The following CCDC188 variants were observed in gnomAD, a reference collection of about 807,000 sequenced individuals.
CCDC188 encodes coiled-coil domain containing 188.
A neutral mutation model predicts 50.7 loss-of-function variants in CCDC188; 37 were observed. The ratio of observed to expected loss-of-function variants is 0.73; its 90% CI spans 0.56 to 0.96. CCDC188 has a LOEUF of 0.96. CCDC188 is among the 40% of genes least tolerant of loss of function. The probability of loss-of-function intolerance (pLI) is 0.00; values close to 1 mark genes in which losing one functional copy is unlikely to be tolerated. For missense variants in CCDC188, 453 were observed against 512.9 expected, an observed-to-expected ratio of 0.88 and a Z score of 1.13; for synonymous variants, 208 against 228.0, an observed-to-expected ratio of 0.91 and a Z score of 0.79.
rs2050608890 is a variant in CCDC188, at chr22:20,150,604, G to T, written c.383C>A (p.Pro128His). ...CCGTGACAGGGGTGGGCATGGGCAGGGTCTGGTCCCTGAGCCAATGGATCC... is the reference window on the plus strand; with the variant it reads ...CCGTGACAGGGGTGGGCATGGGCAGTGTCTGGTCCCTGAGCCAATGGATCC... ...QGGSIGSGTR[P>H]CPCPPLSREG... The change falls in exon 1 of 9, where the codon CCC (proline) becomes CAC (histidine). Residue 128 changes from proline to histidine, a missense_variant. Pro to His is a moderately conservative substitution (Grantham distance 77, BLOSUM62 -2). Coordinates refer to ENST00000439765, the MANE Select transcript of CCDC188 (RefSeq NM_001365892.2). 6.5e-7 allele frequency: 1 copy of T among 1,544,952 alleles called. No individual in the cohort carries two copies. The highest frequency in any genetic ancestry group is 2.0e-5 in the Admixed American group (1 of 50,750).
At chr22:20,150,375 C>CAGGG in intron 1 of CCDC188, 93 bp downstream of exon 1, 2 of 1,018,708 alleles carry the variant, frequency 2.0e-6, no homozygotes, top group Non-Finnish European at 1.3e-6. Flanking sequence ...GGGGCAGGGG[C>CAGGG]GCCAGGTGGT....
chr22:20,149,457 C>G lies in CCDC188; in HGVS notation c.869G>C (p.Arg290Pro). The change falls in exon 6 of 9, where the codon CGG (arginine) becomes CCG (proline). Residue 290 changes from arginine (R) to proline (P), a missense_variant. Arg to Pro is a moderately radical substitution (Grantham distance 103, BLOSUM62 -2). Transcript: ENST00000439765. ...TGLLNLKKDI[R>P]GVLDQMEDIQ... is the part of the protein sequence containing the mutation. ...GTCCTCCATCTGGTCCAGCACGCCC[C>G]GGATGTCCTTCTTGAGGTTCTGGGG... The G allele has an allele frequency of 1.3e-6, 2 of 1,550,200 alleles. No individual in the cohort carries two copies. Among genetic ancestry groups the G allele is most frequent in the Non-Finnish European group, 1.7e-6 (2 of 1,146,892 alleles).
At position 20,150,736 on chromosome 22, in the gene CCDC188, T is replaced by C. The variant is rs1013941211; in HGVS notation, c.251A>G (p.Gln84Arg). Residue 84 changes from glutamine (Q) to arginine (R), a missense_variant, in exon 1 of 9, where the codon CAG (glutamine) becomes CGG (arginine). Gln to Arg is a conservative substitution (Grantham distance 43, BLOSUM62 1). Transcript: ENST00000439765. ...APGLFLSSQE[Q>R]RARDTEGPRQ... ...CGGCCCCTCAGTGTCTCTCGCTCTCTGCTCCTGGCTGGACAGAAAGAGCCC... is the reference window on the plus strand; with the variant it reads ...CGGCCCCTCAGTGTCTCTCGCTCTCCGCTCCTGGCTGGACAGAAAGAGCCC... The C allele has an allele frequency of 3.9e-6, 6 of 1,550,196 alleles. No individual in the cohort carries two copies. Among genetic ancestry groups the C allele is most frequent in the Non-Finnish European group, 4.4e-6 (5 of 1,146,812 alleles).
chr22:20,149,703 C>T lies in CCDC188; in HGVS notation c.789+21G>A, dbSNP rs1335331113. Reference sequence around the variant, plus strand: ...CACTGGGTGGGCCCCCAGCACCCCTCCCCCTCAGCCAGGCGGGCACCTCTG... The same window carrying T: ...CACTGGGTGGGCCCCCAGCACCCCTTCCCCTCAGCCAGGCGGGCACCTCTG... On this transcript the variant is annotated intron_variant, in intron 4 of 8. Transcript: ENST00000439765. The T allele has an allele frequency of 2.6e-6, 4 of 1,539,960 alleles. No homozygotes were observed. In the African/African-American group the frequency reaches 4.1e-5, roughly 16 times the overall value.
chr22:20,150,531 C>T lies in CCDC188; in HGVS notation c.456G>A (p.Gln152=). The T allele has an allele frequency of 6.5e-7, 1 of 1,549,464 alleles. No homozygotes were observed. The highest frequency in any genetic ancestry group is 1.4e-5 in the African/African-American group (1 of 73,098). ...GTTCTGCAGAGCCCAGCAGCCCGCA[C>T]TGAAGCTGGGACAGGGCTACCCTGG... is the stretch of plus-strand genomic sequence containing the variant. ...ASPRVALSQL[Q]CGLLGSAEQS... The change falls in exon 1 of 9, where the codon CAG becomes CAA. Residue 152 remains glutamine, a synonymous_variant. Coordinates refer to ENST00000439765, the MANE Select transcript of CCDC188 (RefSeq NM_001365892.2).
At chr22:20,149,696 C>T in intron 4 of CCDC188, 28 bp downstream of exon 4, 1 of 1,541,510 alleles carries the variant, frequency 6.5e-7, no homozygotes, top group Non-Finnish European at 8.8e-7. Context: ...GGGCCCCCAG[C>T]ACCCCTCCCC....
In CCDC188 at chr22:20,150,894, G is replaced by A; in HGVS notation, c.93C>T (p.Asp31=). The change falls in exon 1 of 9, where the codon GAC becomes GAT. Residue 31 remains aspartate (D), a synonymous_variant. Transcript: ENST00000439765. ...ACCCTACAAATCCCTGGCAGGGCTGGTCCAGGCCTCCTCCATGGCTGCTGG... is the reference window on the plus strand; with the variant it reads ...ACCCTACAAATCCCTGGCAGGGCTGATCCAGGCCTCCTCCATGGCTGCTGG... ...PASSSHGGGL[D]QPCQGFVGWP... 1 of 1,466,240 alleles carries A rather than the reference G, an allele frequency of 6.8e-7. No homozygotes were observed. The highest frequency in any genetic ancestry group is 9.1e-7 in the Non-Finnish European group (1 of 1,099,764). The allele number at this position is 1,466,240 out of a possible 1,614,324, so 90.8% of individuals were successfully genotyped here.
At position 20,149,569 on chromosome 22, in the gene CCDC188, G is replaced by A; in HGVS notation, c.849+12C>T. On this transcript the variant is annotated intron_variant, in intron 5 of 8. Coordinates refer to ENST00000439765, the MANE Select transcript of CCDC188 (RefSeq NM_001365892.2). Reference sequence around the variant, plus strand: ...GCCCCGTCCTTCTGGGTGCTGCCCTGTGGGGACCTACCAGGAGCCCGGTGG... The same window carrying A: ...GCCCCGTCCTTCTGGGTGCTGCCCTATGGGGACCTACCAGGAGCCCGGTGG... 1 of 1,550,224 alleles carries A rather than the reference G, an allele frequency of 6.5e-7. No homozygotes were observed. The highest frequency in any genetic ancestry group is 8.7e-7 in the Non-Finnish European group (1 of 1,146,922).
rs2050597016 is a variant in CCDC188, at chr22:20,150,053, CG to C, written c.633del (p.Asp212ThrfsTer64). The C allele has an allele frequency of 2.6e-6, 4 of 1,546,898 alleles. No homozygotes were observed. The highest frequency in any genetic ancestry group is 2.4e-5 in the East Asian group (1 of 40,824). On this transcript the variant is annotated frameshift_variant, in exon 3 of 9. Transcript: ENST00000439765. LOFTEE classifies it high-confidence loss of function. ...HSSCTALAWP[P>X]DPAGTQPLGN... ...CCCAAGGGCTGCGTGCCAGCCGGGT[CG>C]GGGGGCTGTGGGAGAGCCCCCAGAT...
Position 20,150,966 on chromosome 22 carries a change from C to T in CCDC188, c.21G>A (p.Leu7=). 2 of 1,409,732 alleles carry T rather than the reference C, an allele frequency of 1.4e-6. No homozygotes were observed. Among genetic ancestry groups the T allele is most frequent in the South Asian group, 1.6e-5 (1 of 61,530 alleles). The allele number at this position is 1,409,732 out of a possible 1,614,324, so 87.3% of individuals were successfully genotyped here. MEGLKT[L]GPCGHPHPQC... ...GGGGGTGGGGGTGGCCGCAGGGGCC[C>T]AGGGTTTTCAGCCCCTCCATCCCTC... The change falls in exon 1 of 9, where the codon CTG becomes CTA. Residue 7 remains leucine (L), a synonymous_variant. Coordinates refer to ENST00000439765, the MANE Select transcript of CCDC188 (RefSeq NM_001365892.2).
rs1484093563 is a variant in CCDC188 at position 20,149,227 on chromosome 22, C to T, written c.932G>A (p.Arg311His). The T allele has an allele frequency of 4.1e-6, 6 of 1,475,668 alleles. No individual in the cohort carries two copies. The highest frequency in any genetic ancestry group is 2.8e-5 in the South Asian group (2 of 71,576). 91.4% of individuals were successfully genotyped at this position (1,475,668 alleles called of 1,614,324 possible). The part of the protein sequence containing the change: ...LEILRERAQC[R>H]TRARKEKQMA... ...CTGCTTCTCCTTCCTGGCTCGAGTG[C>T]GGCACTGGGCCCGCTCCCTGCGGGG... Residue 311 changes from arginine (R) to histidine (H), a missense_variant, in exon 7 of 9, where the codon CGC becomes CAC. Coordinates refer to ENST00000439765, the MANE Select transcript of CCDC188 (RefSeq NM_001365892.2).
rs1196325598 is a variant in CCDC188, at chr22:20,149,485, C to T, written c.850-9G>A. On this transcript the variant is annotated splice_polypyrimidine_tract_variant and intron_variant, in intron 5 of 8. Transcript: ENST00000439765. ...ATGTCCTTCTTGAGGTTCTGGGGGC[C>T]AGAGGAGGTAAGCACAGCAGGCCCC... 1 of 1,550,056 alleles carries T rather than the reference C, an allele frequency of 6.5e-7. No individual in the cohort carries two copies.
chr22:20,148,639 T>C lies in CCDC188; in HGVS notation c.1184A>G (p.Lys395Arg), dbSNP rs1051116983. The part of the protein sequence containing the change: ...RALLDPFLRL[K>R]VDGFLPF ...CTAGAAGGGCAGGAAGCCGTCCACT[T>C]TGAGGCGCAGGAAGGGGTCCAGCAG... Residue 395 changes from lysine (K) to arginine (R), a missense_variant, in exon 9 of 9, where the codon AAA (lysine) becomes AGA (arginine). By Grantham distance (26) the Lys-to-Arg change is conservative. Transcript: ENST00000439765. 57 of 1,546,696 alleles carry C rather than the reference T, an allele frequency of 3.7e-5. No individual in the cohort carries two copies. The Admixed American group carries it at 1.1e-3, about 29-fold the overall frequency.
Position 20,149,130 on chromosome 22 carries a change from C to T in CCDC188, c.972+57G>A, listed in dbSNP as rs367789448. ...AGCCCATTTCTCCCTCTCGCCCAAG[C>T]AGGGCCCTGGGTGGGGGGCTGGTCT... On this transcript the variant is annotated intron_variant, in intron 7 of 8. Transcript: ENST00000439765. 2.3e-4 allele frequency: 311 copies of T among 1,373,626 alleles called. 1 individual carries two copies. The East Asian group carries it at 5.5e-3, about 24-fold the overall frequency. The allele number at this position is 1,373,626 out of a possible 1,614,324, so 85.1% of individuals were successfully genotyped here.
chr22:20,148,539 G>A lies in CCDC188; in HGVS notation c.*75C>T. ...GTGCACAGTGGTGCCATGTGCAGGG[G>A]GCTGGCACGGCCACTGGGCATCCGG... is the stretch of plus-strand genomic sequence containing the variant. On this transcript the variant is annotated 3_prime_UTR_variant, in exon 9 of 9. Coordinates refer to ENST00000439765, the MANE Select transcript of CCDC188 (RefSeq NM_001365892.2). The A allele has an allele frequency of 6.9e-7, 1 of 1,455,710 alleles. No homozygotes were observed. 90.2% of individuals were successfully genotyped at this position (1,455,710 alleles called of 1,614,324 possible).
rs780929571 is a variant in CCDC188 at position 20,150,040 on chromosome 22, G to A, written c.647C>T (p.Thr216Met). Reference protein sequence around the residue: ...ALAWPPDPAGTQPLGNRAPLQ... With the variant: ...ALAWPPDPAGMQPLGNRAPLQ... ...AGGTGCCCTGTTCCCCAAGGGCTGC[G>A]TGCCAGCCGGGTCGGGGGGCTGTGG... The change falls in exon 3 of 9, where the codon ACG becomes ATG. Residue 216 changes from threonine to methionine, a missense_variant. Thr to Met is a moderately conservative substitution (Grantham distance 81). Coordinates refer to ENST00000439765, the MANE Select transcript of CCDC188 (RefSeq NM_001365892.2). 9.0e-6 allele frequency: 14 copies of A among 1,547,784 alleles called. No individual in the cohort carries two copies. Among genetic ancestry groups the A allele is most frequent in the Middle Eastern group, 2.0e-4 (1 of 4,884 alleles).
In CCDC188 at chr22:20,149,962, T is replaced by G; in HGVS notation, c.725A>C (p.Gln242Pro). 6.5e-7 allele frequency: 1 copy of G among 1,547,004 alleles called. No individual in the cohort carries two copies. The highest frequency in any genetic ancestry group is 8.7e-7 in the Non-Finnish European group (1 of 1,145,824). ...LCQGQEAFVQ[Q>P]SQNELQQIRL... Reference sequence around the variant, plus strand: ...CCCCTCCCCCAGGCCCACCTGGGACTGTTGCACGAAAGCCTCTTGCCCCTG... The same window carrying G: ...CCCCTCCCCCAGGCCCACCTGGGACGGTTGCACGAAAGCCTCTTGCCCCTG... The change falls in exon 3 of 9, where the codon CAG becomes CCG. Residue 242 changes from glutamine to proline, a missense_variant. Gln to Pro is a moderately conservative substitution (Grantham distance 76, BLOSUM62 -1). Coordinates refer to ENST00000439765, the MANE Select transcript of CCDC188 (RefSeq NM_001365892.2).
chr22:20,150,356 G>A, intron 1 of CCDC188, 106 bp from the exon 2 acceptor site: 1 of 994,464 alleles, frequency 1.0e-6, no homozygotes, highest in African/African-American at 1.7e-5. Flanking sequence ...TGGGGCTGGG[G>A]CAGGGGCAGG....
chr22:20,149,176 G>A lies in CCDC188; in HGVS notation c.972+11C>T, dbSNP rs551076009. The A allele has an allele frequency of 5.4e-5, 79 of 1,464,594 alleles. No individual in the cohort carries two copies. The highest frequency in any genetic ancestry group is 1.3e-5 in the Non-Finnish European group (14 of 1,105,384). 90.7% of individuals were successfully genotyped at this position (1,464,594 alleles called of 1,614,324 possible). A position where few individuals can be genotyped will look rare whatever the true frequency, so the allele number is the denominator to read the frequency against. On this transcript the variant is annotated intron_variant, in intron 7 of 8. Coordinates refer to ENST00000439765, the MANE Select transcript of CCDC188 (RefSeq NM_001365892.2). ...GGTCTCCAGACCCAGAGTGGGGCGTGGGGGGCTCACCGACATGCTTGCCAT... is the reference window on the plus strand; with the variant it reads ...GGTCTCCAGACCCAGAGTGGGGCGTAGGGGGCTCACCGACATGCTTGCCAT...
Sources: allele counts gnomAD v4.1 joint callset, GRCh38; gene constraint gnomAD v4.1.1; transcripts MANE v1.5; gene names NCBI Gene and HGNC (gene_info 2026-07-23, HGNC 2026-07-21).